The following RABGAP1L variants were observed in gnomAD, a reference collection of about 807,000 sequenced individuals.
The protein encoded by RABGAP1L is rab GTPase-activating protein 1-like.
In RABGAP1L, 63 loss-of-function variants were observed where a neutral mutation model predicts 137.7. The observed-to-expected ratio is 0.46, with a 90% CI of 0.37 to 0.56. The LOEUF (loss-of-function observed/expected upper bound fraction) is 0.56, where lower values mean the gene tolerates loss of function less well. Ranked by LOEUF, RABGAP1L falls within the 20% of genes least tolerant of loss-of-function variation. The pLI, the probability that RABGAP1L is intolerant of heterozygous loss-of-function variation, is 0.00. For synonymous variants in RABGAP1L, 431 were observed against 433.7 expected (o/e 0.99, Z 0.08); for missense variants, 1,095 against 1,244.0 (o/e 0.88, Z 1.80).
intron 18 of RABGAP1L, among the ~76,000 whole-genome samples, chr1:174,755,981 T>C (rs1684719621): frequency 6.6e-6 from 1 of 152,148 alleles, no homozygotes; most frequent in South Asian, 2.1e-4. Flanking sequence ...AATTACAATT[T>C]CTCCATTTTT....
intron 1 of RABGAP1L, among the ~76,000 whole-genome samples, chr1:174,183,927 G>A (rs370691734): frequency 3.4e-5 from 5 of 149,176 alleles, no homozygotes; most frequent in Non-Finnish European, 4.4e-5. Context: ...GTGCAGTGGC[G>A]CGATCTCGGC....
intron 4 of RABGAP1L, among the ~76,000 whole-genome samples, chr1:174,233,282 T>C (rs932137311): frequency 2.0e-5 from 3 of 151,792 alleles, no homozygotes; most frequent in African/African-American, 7.3e-5. Flanking sequence ...TTTTTTATTA[T>C]ACTTTAAGTT....
chr1:174,576,344 C>T (rs746799799), intron 13 of RABGAP1L, among the ~76,000 whole-genome samples: 14 of 152,050 alleles, frequency 9.2e-5, no homozygotes, highest in Non-Finnish European at 1.8e-4. Flanking sequence ...GTCACATTCC[C>T]TCATGCGTCC....
chr1:174,920,451 T>A (rs1661608461), intron 19 of RABGAP1L, among the ~76,000 whole-genome samples: 1 of 152,194 alleles, frequency 6.6e-6, no homozygotes, highest in African/African-American at 2.4e-5. Context: ...CTGACCAGGT[T>A]CCTCTCACAA....
intron 13 of RABGAP1L, among the ~76,000 whole-genome samples, chr1:174,399,214 T>G (rs1330183739): frequency 6.6e-6 from 1 of 152,148 alleles, no homozygotes; most frequent in Non-Finnish European, 1.5e-5. Flanking sequence ...CTAAAAATGA[T>G]TTTTTCCTTT....
chr1:174,877,455 T>G (rs755270706), intron 19 of RABGAP1L: 2 of 1,612,504 alleles, frequency 1.2e-6, no homozygotes, highest in Admixed American at 3.3e-5. Flanking sequence ...GGTCTGGAGC[T>G]GGGACAGCAG....
At chr1:174,451,975 T>C (rs59171291) in intron 13 of RABGAP1L, among the ~76,000 whole-genome samples, 2,533 of 152,298 alleles carry the variant, frequency 0.017, 68 homozygotes, top group African/African-American at 0.058. Flanking sequence ...TATCATAGGC[T>C]GAAAGAGGCT....
chr1:174,855,200 T>C (rs151026817), intron 19 of RABGAP1L, among the ~76,000 whole-genome samples: 39 of 152,286 alleles, frequency 2.6e-4, no homozygotes, highest in Non-Finnish European at 4.9e-4. Flanking sequence ...GTAGGTCATA[T>C]ATTCTAGTAG....
chr1:174,308,031 T>G (rs1394405524), intron 11 of RABGAP1L, among the ~76,000 whole-genome samples: 1 of 152,102 alleles, frequency 6.6e-6, no homozygotes, highest in Admixed American at 6.6e-5. Context: ...GATATCTCAT[T>G]GTAGTTGTGA....
In RABGAP1L at chr1:174,176,741, A is replaced by AAAT. The variant is rs1553248317; in HGVS notation, c.-34+17086_-34+17087insTAA. On this transcript the variant is annotated intron_variant, in intron 1 of 25. Transcript: ENST00000681986. Reference sequence around the variant, plus strand: ...AAAAAAAAAAAAAAAAAAAAAAAAAAAAAAAGGTCAACATTTGTTAATACT... The same window carrying AAAT: ...AAAAAAAAAAAAAAAAAAAAAAAAAAAATAAAAAGGTCAACATTTGTTAATACT... Among the ~76,000 whole-genome samples, 5 of 111,778 alleles carry AAAT rather than the reference A, an allele frequency of 4.5e-5. 1 individual carries two copies. Among genetic ancestry groups the AAAT allele is most frequent in the Admixed American group, 1.0e-4 (1 of 9,736 alleles). 73.3% of individuals were successfully genotyped at this position (111,778 alleles called of 152,430 possible).
At chr1:174,901,850 G>T (rs1658185822) in intron 19 of RABGAP1L, among the ~76,000 whole-genome samples, 2 of 152,168 alleles carry the variant, frequency 1.3e-5, no homozygotes, top group African/African-American at 4.8e-5. Flanking sequence ...ACCTTTGAGT[G>T]AGGTTTTTGT....
At chr1:174,294,739 A>G (rs559060773) in intron 10 of RABGAP1L, among the ~76,000 whole-genome samples, 1 of 152,144 alleles carries the variant, frequency 6.6e-6, no homozygotes, top group Non-Finnish European at 1.5e-5. Context: ...AATTTGAGAG[A>G]TGTTAGGGAA....
At chr1:174,354,453 T>C (rs1427484842) in intron 11 of RABGAP1L, among the ~76,000 whole-genome samples, 4 of 152,174 alleles carry the variant, frequency 2.6e-5, no homozygotes, top group African/African-American at 7.2e-5. Flanking sequence ...TGTTCTTTCC[T>C]ATCATCTGCA....
intron 3 of RABGAP1L, among the ~76,000 whole-genome samples, chr1:174,229,816 G>C (rs1029860049): frequency 2.0e-5 from 3 of 152,118 alleles, no homozygotes; most frequent in African/African-American, 7.2e-5. Flanking sequence ...GGTATTTCTA[G>C]TTCTAGATCC....
intron 18 of RABGAP1L, among the ~76,000 whole-genome samples, chr1:174,792,564 G>A (rs1490291379): frequency 1.3e-5 from 2 of 152,162 alleles, no homozygotes; most frequent in African/African-American, 4.8e-5. Context: ...GGGAACAGGA[G>A]GAAATTTTTA....
At chr1:174,903,444 A>G (rs1423759668) in intron 19 of RABGAP1L, among the ~76,000 whole-genome samples, 1 of 152,230 alleles carries the variant, frequency 6.6e-6, no homozygotes, top group African/African-American at 2.4e-5. Context: ...CAGACCTTCC[A>G]CAAATTCTGC....
intron 12 of RABGAP1L, among the ~76,000 whole-genome samples, chr1:174,377,328 T>A (rs574907977): frequency 1.5e-4 from 23 of 152,284 alleles, no homozygotes; most frequent in African/African-American, 4.8e-4. Context: ...CTCAGCAGAT[T>A]TTTTGGTAGC....
intron 13 of RABGAP1L, among the ~76,000 whole-genome samples, chr1:174,489,297 T>C (rs1572026157): frequency 6.6e-6 from 1 of 152,036 alleles, no homozygotes; most frequent in East Asian, 1.9e-4. Flanking sequence ...AGGGCTAATA[T>C]CCAGAATCTA....
At chr1:174,906,099 C>A (rs541498472) in intron 19 of RABGAP1L, among the ~76,000 whole-genome samples, 1 of 152,206 alleles carries the variant, frequency 6.6e-6, no homozygotes, top group Non-Finnish European at 1.5e-5. Context: ...CTCACTGCAA[C>A]CTCTGCCTCC....
Sources: allele counts gnomAD v4.1 joint callset (sites outside exome capture counted in the v4.1 genomes callset), GRCh38; gene constraint gnomAD v4.1.1; transcripts MANE v1.5; gene names NCBI Gene and HGNC (gene_info 2026-07-23, HGNC 2026-07-21).